The following MTIF3 variants were observed in gnomAD, a reference collection of about 807,000 sequenced individuals.
The protein encoded by MTIF3 is mitochondrial translational initiation factor 3.
MTIF3 carries 13 observed loss-of-function variants against 20.7 expected under a neutral mutation model. The ratio of observed to expected loss-of-function variants is 0.63; its 90% CI spans 0.41 to 1.00. The LOEUF (loss-of-function observed/expected upper bound fraction) is 1.00, where lower values mean the gene tolerates loss of function less well. Among genes scored for constraint, MTIF3 ranks in the 50% least tolerant of loss-of-function variants. MTIF3 has a pLI of 0.00. For synonymous variants in MTIF3, 114 were observed against 112.5 expected (o/e 1.01, Z -0.08); for missense variants, 295 against 324.5 (o/e 0.91, Z 0.70).
chr13:27,443,915 TAA>T lies in MTIF3; in HGVS notation c.-2+1171_-2+1172del, dbSNP rs368738287. Among the ~76,000 whole-genome samples the T allele has an allele frequency of 3.8e-4, 58 of 152,292 alleles. No homozygotes were observed. In the East Asian group the frequency reaches 0.011, roughly 28 times the overall value. ...TTGAAAATAAATTTTATTTACAAAA[TAA>T]AGACTATTTCAGAAAAATGACGTAG... On this transcript the variant is annotated intron_variant, in intron 2 of 4. Coordinates refer to ENST00000381120, the MANE Select transcript of MTIF3 (RefSeq NM_152912.5).
chr13:27,440,630 G>C (rs2138111109), intron 2 of MTIF3, among the ~76,000 whole-genome samples, 181 bp from the exon 3 acceptor site: 1 of 152,268 alleles, frequency 6.6e-6, no homozygotes, highest in East Asian at 1.9e-4. Flanking sequence ...AAGCGGACTA[G>C]CAGGTGACTC....
At chr13:27,445,442 C>T (rs1954151147) in intron 1 of MTIF3, among the ~76,000 whole-genome samples, 1 of 151,738 alleles carries the variant, frequency 6.6e-6, no homozygotes, top group Admixed American at 6.6e-5. Flanking sequence ...CACCACTGCA[C>T]TCCAGTCTGG....
At chr13:27,442,123 T>C (rs902795630) in intron 2 of MTIF3, among the ~76,000 whole-genome samples, 1 of 152,222 alleles carries the variant, frequency 6.6e-6, no homozygotes, top group Non-Finnish European at 1.5e-5. Flanking sequence ...AGGATTAACG[T>C]GTTCAAAGTT....
rs753542567 is a variant in MTIF3 at position 27,440,278 on chromosome 13, G to A, written c.171C>T (p.Thr57=). 2.1e-5 allele frequency: 34 copies of A among 1,613,888 alleles called. No homozygotes were observed. The highest frequency in any genetic ancestry group is 5.0e-5 in the Admixed American group (3 of 59,972). ...TTCCTTCATTCTGGGTGTCTTCAGC[G>A]GTACTAAAGGCTTTTGCATGAATTA... ...SFLIHAKAFS[T]AEDTQNEGKK... is the part of the protein sequence containing the mutation. The change falls in exon 3 of 5, where the codon ACC becomes ACT. Residue 57 remains threonine (T), a synonymous_variant. Transcript: ENST00000381120.
intron 4 of MTIF3, 48 bp from the exon 5 acceptor site, chr13:27,435,941 G>C: frequency 1.3e-6 from 2 of 1,491,818 alleles, no homozygotes; most frequent in Non-Finnish European, 1.9e-6. Context: ...AGAGGCTTTG[G>C]TGCTTTCTAA....
At chr13:27,438,075 T>A (rs1953851664) in intron 3 of MTIF3, among the ~76,000 whole-genome samples, 1 of 152,096 alleles carries the variant, frequency 6.6e-6, no homozygotes, top group Admixed American at 6.5e-5. Flanking sequence ...GAAATACACA[T>A]TAATTTCTCA....
At chr13:27,436,870 G>A (rs1045235263) in intron 4 of MTIF3, among the ~76,000 whole-genome samples, 2 of 148,226 alleles carry the variant, frequency 1.3e-5, no homozygotes, top group African/African-American at 5.0e-5. Flanking sequence ...TCCTGCCTCA[G>A]CTTCCCCAGT....
intron 3 of MTIF3, among the ~76,000 whole-genome samples, chr13:27,439,481 CAG>C (rs1391709008): frequency 6.6e-6 from 1 of 152,146 alleles, no homozygotes; most frequent in African/African-American, 2.4e-5. Flanking sequence ...GGGCGGCAGG[CAG>C]AGACTCATCT....
At position 27,444,335 on chromosome 13, in the gene MTIF3, G is replaced by C. The variant is rs1007571326; in HGVS notation, c.-2+753C>G. Among the ~76,000 whole-genome samples the C allele has an allele frequency of 3.9e-5, 6 of 151,902 alleles. No homozygotes were observed. The East Asian group carries it at 1.2e-3, about 29-fold the overall frequency. ...AAACGAAAAAAAAAAGAAAAACACT[G>C]GAAGTATATAACTTTTAAAGTTCTT... On this transcript the variant is annotated intron_variant, in intron 2 of 4. Coordinates refer to ENST00000381120, the MANE Select transcript of MTIF3 (RefSeq NM_152912.5).
At chr13:27,447,144 T>C (rs1954205810) in intron 1 of MTIF3, among the ~76,000 whole-genome samples, 1 of 137,852 alleles carries the variant, frequency 7.3e-6, no homozygotes, top group Non-Finnish European at 1.5e-5. Flanking sequence ...GGGATGCTTT[T>C]CAAAACACAG....
intron 1 of MTIF3, chr13:27,449,781 T>C (rs1313756149): frequency 2.0e-5 from 3 of 152,262 alleles, no homozygotes; most frequent in Non-Finnish European, 4.4e-5. Flanking sequence ...ACAGAATGAA[T>C]AGTAGTCGAT....
chr13:27,442,200 A>T (rs1408764484), intron 2 of MTIF3, among the ~76,000 whole-genome samples: 2 of 152,182 alleles, frequency 1.3e-5, no homozygotes, highest in Non-Finnish European at 2.9e-5. Context: ...TAATTGCAAC[A>T]CATTCTTCTG....
intron 2 of MTIF3, among the ~76,000 whole-genome samples, chr13:27,440,701 AT>A (rs1953977035): frequency 6.7e-6 from 1 of 149,254 alleles, no homozygotes; most frequent in African/African-American, 2.5e-5. Context: ...AATAAACCAG[AT>A]TTACATAGCA....
intron 1 of MTIF3, among the ~76,000 whole-genome samples, chr13:27,448,234 G>T (rs1466449697): frequency 6.6e-6 from 1 of 152,170 alleles, no homozygotes; most frequent in Non-Finnish European, 1.5e-5. Flanking sequence ...TCTATTATTT[G>T]TTCACTCACT....
chr13:27,437,888 G>A (rs1239879778), intron 3 of MTIF3, among the ~76,000 whole-genome samples: 1 of 151,990 alleles, frequency 6.6e-6, no homozygotes, highest in Non-Finnish European at 1.5e-5. Context: ...AAGACAGAAT[G>A]GTTTGTGATC....
chr13:27,438,026 TAAAG>T (rs761806428), intron 3 of MTIF3, among the ~76,000 whole-genome samples: 21 of 151,330 alleles, frequency 1.4e-4, no homozygotes, highest in Admixed American at 3.9e-4. Context: ...CGTAGAAAAA[TAAAG>T]GAATATAAAC....
chr13:27,448,041 T>C (rs1954236769), intron 1 of MTIF3, among the ~76,000 whole-genome samples: 3 of 151,812 alleles, frequency 2.0e-5, no homozygotes, highest in Non-Finnish European at 2.9e-5. Context: ...GTATTCCCTG[T>C]ATAATTCATT....
At chr13:27,449,829 C>G (rs1954300865) in intron 1 of MTIF3, 1 of 152,242 alleles carries the variant, frequency 6.6e-6, no homozygotes, top group South Asian at 2.1e-4. Flanking sequence ...TTTTCTAAGA[C>G]TTAGGCCTTT....
At chr13:27,438,483 G>GTTGTT (rs1226241052) in intron 3 of MTIF3, among the ~76,000 whole-genome samples, 37 of 107,136 alleles carry the variant, frequency 3.5e-4, no homozygotes, top group African/African-American at 1.5e-3. Context: ...GAGCAAGACT[G>GTTGTT]TTTTTTTTTT....
Sources: allele counts gnomAD v4.1 joint callset (sites outside exome capture counted in the v4.1 genomes callset), GRCh38; gene constraint gnomAD v4.1.1; transcripts MANE v1.5; gene names NCBI Gene and HGNC (gene_info 2026-07-23, HGNC 2026-07-21).